The following MSH3 variants were observed in gnomAD, a reference collection of about 807,000 sequenced individuals.
MSH3 encodes DNA mismatch repair protein Msh3.
In MSH3, 106 loss-of-function variants were observed where a neutral mutation model predicts 123.3. The ratio of observed to expected loss-of-function variants is 0.86; its 90% CI spans 0.73 to 1.01. The LOEUF (loss-of-function observed/expected upper bound fraction) is 1.01, where lower values mean the gene tolerates loss of function less well. Ranked by LOEUF, MSH3 falls within the 50% of genes least tolerant of loss-of-function variation. The pLI is 0.00. For synonymous variants in MSH3, 515 were observed against 481.4 expected, an observed-to-expected ratio of 1.07 and a Z score of -0.91; for missense variants, 1,459 against 1,347.6, an observed-to-expected ratio of 1.08 and a Z score of -1.29.
At chr5:80,838,929 A>G (rs1423124411) in intron 20 of MSH3, among the ~76,000 whole-genome samples, 1 of 152,192 alleles carries the variant, frequency 6.6e-6, no homozygotes, top group Non-Finnish European at 1.5e-5. Flanking sequence ...TGAGACAGCT[A>G]ATTTTTTAAT....
chr5:80,829,666 A>G (rs992095700), intron 20 of MSH3, among the ~76,000 whole-genome samples: 1 of 152,144 alleles, frequency 6.6e-6, no homozygotes, highest in Non-Finnish European at 1.5e-5. Flanking sequence ...TTTTGCATCT[A>G]TGTTCATGAG....
At chr5:80,679,121 T>C in intron 8 of MSH3, 28 bp downstream of exon 8, 3 of 1,609,976 alleles carry the variant, frequency 1.9e-6, no homozygotes, top group Non-Finnish European at 1.7e-6. Context: ...TGGAATATAA[T>C]ACCGATTCTG....
intron 13 of MSH3, among the ~76,000 whole-genome samples, chr5:80,762,320 T>C (rs1223729321): frequency 2.6e-5 from 4 of 152,062 alleles, no homozygotes. Context: ...GCAGAAGTCA[T>C]TCACATACCT....
chr5:80,755,107 G>A (rs565644608), intron 12 of MSH3, among the ~76,000 whole-genome samples: 11 of 152,256 alleles, frequency 7.2e-5, no homozygotes, highest in Middle Eastern at 3.4e-3. Flanking sequence ...CAGGTGGTGC[G>A]TAATTGAGAG....
intron 8 of MSH3, among the ~76,000 whole-genome samples, chr5:80,716,204 T>TA: frequency 6.6e-6 from 1 of 152,324 alleles, no homozygotes; most frequent in South Asian, 2.1e-4. Flanking sequence ...TGTTGACTAA[T>TA]AAAAAATGCT....
intron 8 of MSH3, among the ~76,000 whole-genome samples, chr5:80,725,130 T>C (rs1397254874): frequency 1.4e-5 from 2 of 147,276 alleles, no homozygotes; most frequent in Non-Finnish European, 3.0e-5. Flanking sequence ...AGGAGAATGA[T>C]GTGAACCCAG....
At chr5:80,784,619 C>A (rs1237588260) in intron 17 of MSH3, among the ~76,000 whole-genome samples, 1 of 152,074 alleles carries the variant, frequency 6.6e-6, no homozygotes, top group Admixed American at 6.5e-5. Context: ...CTATAGTAAT[C>A]CTATTGTGCT....
rs55660516 is a variant in MSH3 at position 80,679,011 on chromosome 5, A to G, written c.1258A>G (p.Ser420Gly). ...SRSELETRMSSLQPVELLLPS... is the reference protein window; with the variant it reads ...SRSELETRMSGLQPVELLLPS... ...TTCAGAGCTAGAAACCCGGATGTCAAGCCTGCAGCCAGTAGAGCTGCTGCT... is the reference window on the plus strand; with the variant it reads ...TTCAGAGCTAGAAACCCGGATGTCAGGCCTGCAGCCAGTAGAGCTGCTGCT... Residue 420 changes from serine (S) to glycine (G), a missense_variant, in exon 8 of 24, where the codon AGC (serine) becomes GGC (glycine). Coordinates refer to ENST00000265081, the MANE Select transcript of MSH3 (RefSeq NM_002439.5). 5.3e-4 allele frequency: 863 copies of G among 1,614,176 alleles called. 8 individuals carry two copies. In the South Asian group the frequency reaches 7.9e-3, roughly 15 times the overall value.
intron 8 of MSH3, among the ~76,000 whole-genome samples, chr5:80,714,055 A>C (rs1353089653): frequency 6.6e-6 from 1 of 151,900 alleles, no homozygotes; most frequent in African/African-American, 2.4e-5. Flanking sequence ...AAAAGGTTAA[A>C]GTAGAAATTT....
In MSH3 at chr5:80,813,655, T is replaced by C. The variant is rs1322883648; in HGVS notation, c.2727T>C (p.Val909=). The part of the protein sequence containing the change: ...MGGKSSYIKQ[V]ALITIMAQIG... ...GAAAGAGCTCCTACATAAAACAAGT[T>C]GCATTGATTACCATCATGGCTCAGA... The change falls in exon 20 of 24, where the codon GTT becomes GTC. Residue 909 remains valine (V), a synonymous_variant. Coordinates refer to ENST00000265081, the MANE Select transcript of MSH3 (RefSeq NM_002439.5). The C allele has an allele frequency of 6.2e-7, 1 of 1,614,144 alleles. No individual in the cohort carries two copies.
chr5:80,836,543 C>CAAAAAAAAAAAAAAAAA (rs71603568), intron 20 of MSH3, among the ~76,000 whole-genome samples: 1 of 118,822 alleles, frequency 8.4e-6, no homozygotes, highest in Non-Finnish European at 1.7e-5. Flanking sequence ...GAATATGCCA[C>CAAAAAAAAAAAAAAAAA]AAAAAAAAAA....
Position 80,769,015 on chromosome 5 carries a change from C to T in MSH3, c.2253+12C>T. ...TATCAGGACAGGAGGTAATGTCAAG[C>T]TTACTTTTATTTTCTATTAGTTTTA... On this transcript the variant is annotated intron_variant, in intron 15 of 23. Coordinates refer to ENST00000265081, the MANE Select transcript of MSH3 (RefSeq NM_002439.5). 2 of 1,609,162 alleles carry T rather than the reference C, an allele frequency of 1.2e-6. No homozygotes were observed. The highest frequency in any genetic ancestry group is 2.2e-5 in the East Asian group (1 of 44,650).
chr5:80,703,715 G>A (rs1483612371), intron 8 of MSH3, among the ~76,000 whole-genome samples: 2 of 151,934 alleles, frequency 1.3e-5, no homozygotes, highest in Non-Finnish European at 2.9e-5. Context: ...TTTACTTCAG[G>A]AATGTGTTTT....
At chr5:80,825,756 A>G (rs1419119122) in intron 20 of MSH3, among the ~76,000 whole-genome samples, 5 of 152,250 alleles carry the variant, frequency 3.3e-5, no homozygotes. Flanking sequence ...ATTTCTATAT[A>G]TTCTCCAAAA....
intron 21 of MSH3, among the ~76,000 whole-genome samples, chr5:80,864,377 G>A (rs932688795): frequency 6.6e-6 from 1 of 152,158 alleles, no homozygotes; most frequent in Non-Finnish European, 1.5e-5. Context: ...AAATGTCCAT[G>A]TCATAAAAGA....
intron 9 of MSH3, among the ~76,000 whole-genome samples, chr5:80,726,581 G>A (rs1022070173): frequency 3.3e-5 from 5 of 151,984 alleles, no homozygotes; most frequent in Admixed American, 1.3e-4. Context: ...GTCCTCCCAC[G>A]TCAGCCTCCC....
chr5:80,832,072 T>G (rs1165433904), intron 20 of MSH3, among the ~76,000 whole-genome samples: 5 of 151,910 alleles, frequency 3.3e-5, no homozygotes, highest in Non-Finnish European at 5.9e-5. Flanking sequence ...ATCGCGCCAC[T>G]GCACTCCAGC....
chr5:80,741,577 A>T (rs1248350629), intron 11 of MSH3, 29 bp downstream of exon 11: 1 of 1,534,138 alleles, frequency 6.5e-7, no homozygotes, highest in Non-Finnish European at 9.0e-7. Flanking sequence ...CTAGTTGATT[A>T]TAAATCGTTT....
At chr5:80,695,087 G>GTTTTTTTTTTT (rs57947652) in intron 8 of MSH3, among the ~76,000 whole-genome samples, 5 of 115,306 alleles carry the variant, frequency 4.3e-5, no homozygotes, top group East Asian at 2.4e-4. Context: ...TTTTTTTGTT[G>GTTTTTTTTTTT]TTTTTTTTTT....
Sources: allele counts gnomAD v4.1 joint callset (sites outside exome capture counted in the v4.1 genomes callset), GRCh38; gene constraint gnomAD v4.1.1; transcripts MANE v1.5; gene names NCBI Gene and HGNC (gene_info 2026-07-23, HGNC 2026-07-21).